ARHGAP27: variants seen among roughly 807,000 people sequenced by gnomAD.
ARHGAP27 encodes the protein rho GTPase-activating protein 27.
In ARHGAP27, 53 loss-of-function variants were observed where a neutral mutation model predicts 102.0. That is an observed-to-expected ratio of 0.52 (90% CI 0.42 to 0.65). ARHGAP27 has a LOEUF of 0.65. Ranked by LOEUF, ARHGAP27 falls within the 30% of genes least tolerant of loss-of-function variation. The pLI is 0.00. For missense variants in ARHGAP27, 1,117 were observed against 1,256.2 expected (o/e 0.89, Z 1.68); for synonymous variants, 525 against 542.8 (o/e 0.97, Z 0.46).
chr17:45,426,471 A>G (rs1403474777), intron 4 of ARHGAP27, among the ~76,000 whole-genome samples: 4 of 151,972 alleles, frequency 2.6e-5, no homozygotes, highest in Non-Finnish European at 4.4e-5. Context: ...AACACCATCC[A>G]TGGCAGGAGC....
intron 4 of ARHGAP27, among the ~76,000 whole-genome samples, chr17:45,421,143 G>A (rs1182370555): frequency 7.6e-6 from 1 of 130,938 alleles, no homozygotes; most frequent in African/African-American, 2.8e-5. Context: ...ACCCAGTTGG[G>A]AGCGCTCACA....
In ARHGAP27 at chr17:45,418,871, G is replaced by A. The variant is rs145795469; in HGVS notation, c.657+10752C>T. Among the ~76,000 whole-genome samples, 393 of 152,278 alleles carry A rather than the reference G, an allele frequency of 2.6e-3. 1 individual carries two copies. The highest frequency in any genetic ancestry group is 5.4e-3 in the Admixed American group (83 of 15,288). ...CAGGTGGGCCAGGTAGTCTCTACCC[G>A]TAAGGCCAGGGCACCAAGGAGACAG... On this transcript the variant is annotated intron_variant, in intron 4 of 19. Transcript: ENST00000685559.
At position 45,429,722 on chromosome 17, in the gene ARHGAP27, G is replaced by A; in HGVS notation, c.558C>T (p.Ser186=). ...GSFKACSVAG[S]WVCPRPLARS... Reference sequence around the variant, plus strand: ...GCGCCAGAGGCCGCGGGCACACCCAGGAGCCCGCCACGCTGCAGGCCTTGA... The same window carrying A: ...GCGCCAGAGGCCGCGGGCACACCCAAGAGCCCGCCACGCTGCAGGCCTTGA... Residue 186 remains serine (S), a synonymous_variant, in exon 4 of 20, where the codon TCC becomes TCT. Coordinates refer to ENST00000685559, the MANE Select transcript of ARHGAP27 (RefSeq NM_001282290.2). The A allele has an allele frequency of 6.5e-7, 1 of 1,546,162 alleles. No individual in the cohort carries two copies. The highest frequency in any genetic ancestry group is 1.2e-5 in the South Asian group (1 of 84,302).
intron 4 of ARHGAP27, among the ~76,000 whole-genome samples, chr17:45,413,949 T>C (rs1047733429): frequency 1.3e-5 from 2 of 151,952 alleles, no homozygotes; most frequent in Non-Finnish European, 2.9e-5. Flanking sequence ...CTACTAAAAA[T>C]ACAAAAATTA....
chr17:45,406,063 G>A lies in ARHGAP27; in HGVS notation c.678C>T (p.Pro226=), dbSNP rs1476166294. 3 of 1,525,388 alleles carry A rather than the reference G, an allele frequency of 2.0e-6. No individual in the cohort carries two copies. Among genetic ancestry groups the A allele is most frequent in the Non-Finnish European group, 2.6e-6 (3 of 1,139,818 alleles). The allele number at this position is 1,525,388 out of a possible 1,614,324, so 94.5% of individuals were successfully genotyped here. ...GCTGCCTCTCTATGTTCGCGTACAC[G>A]GGCTCCGGTGGGTCGTCCACCTGCG... ...SAEQVDDPPE[P]VYANIERQPR... Residue 226 remains proline (P), a synonymous_variant, in exon 5 of 20, where the codon CCC becomes CCT. Coordinates refer to ENST00000685559, the MANE Select transcript of ARHGAP27 (RefSeq NM_001282290.2).
chr17:45,418,775 C>T (rs2144870703), intron 4 of ARHGAP27, among the ~76,000 whole-genome samples: 1 of 152,252 alleles, frequency 6.6e-6, no homozygotes, highest in South Asian at 2.1e-4. Context: ...CAGGCTGGCC[C>T]ATCATGGGAC....
intron 3 of ARHGAP27, 41 bp downstream of exon 3, chr17:45,431,579 TC>T (rs2050060195): frequency 1.2e-5 from 2 of 173,634 alleles, no homozygotes; most frequent in Non-Finnish European, 2.5e-5. Flanking sequence ...AGCAGGACAC[TC>T]CCCCGGCGCC....
chr17:45,425,364 G>C (rs2049485974), intron 4 of ARHGAP27, among the ~76,000 whole-genome samples: 1 of 152,150 alleles, frequency 6.6e-6, no homozygotes, highest in Non-Finnish European at 1.5e-5. Context: ...GGGGACAGGA[G>C]GGTCTGTCCC....
chr17:45,396,625 C>T (rs1410919339), intron 15 of ARHGAP27, 40 bp from the exon 16 acceptor site: 1 of 1,611,736 alleles, frequency 6.2e-7, no homozygotes, highest in Admixed American at 1.7e-5. Flanking sequence ...AGCCTGCGCC[C>T]CGTCCCGGTC....
At chr17:45,398,867 C>G (rs2046075602) in intron 12 of ARHGAP27, among the ~76,000 whole-genome samples, 1 of 152,176 alleles carries the variant, frequency 6.6e-6, no homozygotes. Context: ...AAGGTCTCCC[C>G]TTGCCCCTCC....
Position 45,395,561 on chromosome 17 carries a change from C to T in ARHGAP27, c.2565G>A (p.Leu855=). The change falls in exon 20 of 20, where the codon CTG becomes CTA. Residue 855 remains leucine (L), a synonymous_variant. Coordinates refer to ENST00000685559, the MANE Select transcript of ARHGAP27 (RefSeq NM_001282290.2). ...TGCTGGTCTCTTCCACCTCGGGCCG[C>T]AGCAGCGTGGGCCCGAACACAATGG... The part of the protein sequence containing the change: ...SVAIVFGPTL[L]RPEVEETSMP... 1.2e-6 allele frequency: 2 copies of T among 1,604,830 alleles called. No individual in the cohort carries two copies. The highest frequency in any genetic ancestry group is 2.2e-5 in the South Asian group (2 of 89,110).
At chr17:45,421,913 C>T (rs945332819) in intron 4 of ARHGAP27, among the ~76,000 whole-genome samples, 2 of 152,182 alleles carry the variant, frequency 1.3e-5, no homozygotes, top group African/African-American at 2.4e-5. Context: ...TACCTGTAAT[C>T]CCAGCACTTT....
At chr17:45,425,702 T>C in intron 4 of ARHGAP27, 1 of 957,802 alleles carries the variant, frequency 1.0e-6, no homozygotes, top group Non-Finnish European at 1.2e-6. Flanking sequence ...CAGCGGCCAA[T>C]GCCCCAGCAG....
At chr17:45,399,591 C>CAAAGAAAAGAAAAGAAAAGAAA (rs1555552666) in intron 12 of ARHGAP27, among the ~76,000 whole-genome samples, 2 of 141,128 alleles carry the variant, frequency 1.4e-5, no homozygotes, top group Non-Finnish European at 3.0e-5. Flanking sequence ...CACTCTGTCT[C>CAAAGAAAAGAAAAGAAAAGAAA]AAAGAAAAGA....
At chr17:45,415,627 C>T (rs1298877871) in intron 4 of ARHGAP27, among the ~76,000 whole-genome samples, 1 of 152,200 alleles carries the variant, frequency 6.6e-6, no homozygotes, top group Non-Finnish European at 1.5e-5. Context: ...TCATCCTTGC[C>T]TCCTGCTGGC....
At position 45,427,029 on chromosome 17, in the gene ARHGAP27, C is replaced by T. The variant is rs1010128413; in HGVS notation, c.657+2594G>A. On this transcript the variant is annotated intron_variant, in intron 4 of 19. Transcript: ENST00000685559. This position sits in a 1 kb window ranked among gnomAD's most constrained non-coding sequence, Gnocchi z 4.5. ...TCCACTCTGCTCCTCCCCAAGTCAT[C>T]CCCCCGTCAGGAAGCAGCACCACTG... 1.3e-5 allele frequency among the ~76,000 whole-genome samples: 2 copies of T among 152,098 alleles called. No individual in the cohort carries two copies. Among genetic ancestry groups the T allele is most frequent in the South Asian group, 2.1e-4 (1 of 4,812 alleles).
intron 12 of ARHGAP27, among the ~76,000 whole-genome samples, chr17:45,399,861 G>A (rs2046240108): frequency 6.6e-6 from 1 of 152,166 alleles, no homozygotes; most frequent in Non-Finnish European, 1.5e-5. Context: ...ACATAGCAAT[G>A]TATTTCACAA....
At chr17:45,414,028 C>T (rs867091494) in intron 4 of ARHGAP27, among the ~76,000 whole-genome samples, 18 of 151,874 alleles carry the variant, frequency 1.2e-4, no homozygotes, top group African/African-American at 4.3e-4. Context: ...ATTGCCTGAA[C>T]CTGGGAGGCA....
chr17:45,431,391 C>G (rs1351692613), intron 3 of ARHGAP27, among the ~76,000 whole-genome samples: 1 of 152,246 alleles, frequency 6.6e-6, no homozygotes, highest in African/African-American at 2.4e-5. Context: ...GACCCGGGGC[C>G]AGGAGACCGC....
Sources: allele counts gnomAD v4.1 joint callset (sites outside exome capture counted in the v4.1 genomes callset), GRCh38; gene constraint gnomAD v4.1.1; non-coding constraint Gnocchi (gnomAD v3.1); transcripts MANE v1.5; gene names NCBI Gene and HGNC (gene_info 2026-07-23, HGNC 2026-07-21).